Variants in INTS9 observed in about 807,000 individuals in gnomAD.
The protein encoded by INTS9 is protein related to CPSF subunits of 74 kDa.
INTS9 carries 55 observed loss-of-function variants against 79.7 expected under a neutral mutation model. That is an observed-to-expected ratio of 0.69 (90% CI 0.56 to 0.86). INTS9 has a LOEUF of 0.86. Among genes scored for constraint, INTS9 ranks in the 40% least tolerant of loss-of-function variants. The pLI is 0.00. For missense variants in INTS9, 721 were observed against 831.5 expected (o/e 0.87, Z 1.64); for synonymous variants, 319 against 325.2 (o/e 0.98, Z 0.20).
intron 15 of INTS9, 29 bp downstream of exon 15, chr8:28,770,953 C>A (rs755645262): frequency 6.5e-7 from 1 of 1,534,514 alleles, no homozygotes; most frequent in African/African-American, 1.4e-5. Flanking sequence ...GGGAGAGGGT[C>A]CCCTGCACTC....
chr8:28,875,005 G>C (rs1486463044), intron 1 of INTS9, among the ~76,000 whole-genome samples: 1 of 152,192 alleles, frequency 6.6e-6, no homozygotes, highest in East Asian at 1.9e-4. Flanking sequence ...AGCAGGCAAA[G>C]AGAGAGCTTG....
intron 1 of INTS9, among the ~76,000 whole-genome samples, chr8:28,881,132 T>G (rs1312724027): frequency 5.6e-5 from 7 of 124,272 alleles, no homozygotes; most frequent in South Asian, 2.6e-4. Flanking sequence ...GGTGGGGGGG[T>G]CAGCCCCCCG....
In INTS9 at chr8:28,768,175, G is replaced by A; in HGVS notation, c.1948C>T (p.Leu650Phe). The A allele has an allele frequency of 6.2e-7, 1 of 1,614,174 alleles. No homozygotes were observed. Among genetic ancestry groups the A allele is most frequent in the South Asian group, 1.1e-5 (1 of 91,082 alleles). The change falls in exon 17 of 17, where the codon CTT becomes TTT. Residue 650 changes from leucine (L) to phenylalanine (F), a missense_variant. This residue lies in a region of INTS9 where 281 missense variants were observed against 300.8 expected (regional missense o/e 0.93). Transcript: ENST00000521022. ...AACTTCTGTAAGAATTTGAGGACAA[G>A]GTCCCGCAGTCGCACTCTGAGCATC... ...DEMLRVRLRD[L>F]VLKFLQKF is the part of the protein sequence containing the mutation.
At chr8:28,849,041 G>A (rs750911411) in intron 3 of INTS9, among the ~76,000 whole-genome samples, 27 of 152,194 alleles carry the variant, frequency 1.8e-4, no homozygotes, top group Non-Finnish European at 3.5e-4. Context: ...TTGTACTTGA[G>A]GCTAGGGTGC....
rs1563316354 is a variant in INTS9, at chr8:28,878,644, A to ATTTT, written c.9+11229_9+11230insAAAA. Among the ~76,000 whole-genome samples, 401 of 150,070 alleles carry ATTTT rather than the reference A, an allele frequency of 2.7e-3. 1 individual carries two copies. The highest frequency in any genetic ancestry group is 9.6e-3 in the African/African-American group (386 of 40,402). On this transcript the variant is annotated intron_variant, in intron 1 of 16. Coordinates refer to ENST00000521022, the MANE Select transcript of INTS9 (RefSeq NM_018250.4). Reference sequence around the variant, plus strand: ...GCCTTCACTGTTTTTTTTTTTTTAAAAAAAAAACAAAACAAAAAACTCTTG... The same window carrying ATTTT: ...GCCTTCACTGTTTTTTTTTTTTTAAATTTTAAAAAAACAAAACAAAAAACTCTTG...
chr8:28,825,286 G>C (rs1350059321), intron 6 of INTS9, among the ~76,000 whole-genome samples: 1 of 152,210 alleles, frequency 6.6e-6, no homozygotes, highest in Non-Finnish European at 1.5e-5. Flanking sequence ...CTAGAGAGCA[G>C]GGACCGTGAT....
chr8:28,863,380 T>A (rs1808560156), intron 1 of INTS9, among the ~76,000 whole-genome samples: 1 of 152,240 alleles, frequency 6.6e-6, no homozygotes, highest in Non-Finnish European at 1.5e-5. Context: ...TCCATATCCA[T>A]GGCTTCTGCA....
At chr8:28,888,761 C>T (rs191639351) in intron 1 of INTS9, among the ~76,000 whole-genome samples, 3 of 152,112 alleles carry the variant, frequency 2.0e-5, no homozygotes, top group Non-Finnish European at 4.4e-5. Flanking sequence ...GAATTGAATC[C>T]ACTTTTAATA....
chr8:28,816,081 CAAA>C (rs981834711), intron 6 of INTS9, among the ~76,000 whole-genome samples: 5 of 150,588 alleles, frequency 3.3e-5, no homozygotes, highest in Non-Finnish European at 7.4e-5. Flanking sequence ...TTAAGATACT[CAAA>C]GAAAGAAAAT....
chr8:28,857,172 G>A (rs1808218182), intron 2 of INTS9, among the ~76,000 whole-genome samples: 1 of 152,068 alleles, frequency 6.6e-6, no homozygotes, highest in African/African-American at 2.4e-5. Flanking sequence ...GAATAGTGCT[G>A]AGCATTTATT....
intron 6 of INTS9, among the ~76,000 whole-genome samples, chr8:28,831,048 T>C (rs1806453367): frequency 6.6e-6 from 1 of 152,132 alleles, no homozygotes; most frequent in Admixed American, 6.5e-5. Context: ...AGCAAAGATA[T>C]GGACTCAACC....
intron 6 of INTS9, among the ~76,000 whole-genome samples, chr8:28,825,714 A>G (rs1367638707): frequency 1.3e-5 from 2 of 152,238 alleles, no homozygotes; most frequent in Non-Finnish European, 1.5e-5. Context: ...TATTCACCCT[A>G]TTGAGTACTA....
At chr8:28,872,662 A>G (rs1223545628) in intron 1 of INTS9, among the ~76,000 whole-genome samples, 1 of 152,138 alleles carries the variant, frequency 6.6e-6, no homozygotes, top group Non-Finnish European at 1.5e-5. Context: ...TGATGGCCTG[A>G]GCTGGTAGTC....
chr8:28,776,445 T>TTG (rs1802894236), intron 13 of INTS9, among the ~76,000 whole-genome samples: 1 of 148,908 alleles, frequency 6.7e-6, no homozygotes, highest in Non-Finnish European at 1.5e-5. Context: ...TTTTTGTTTT[T>TTG]TTTTTTAAAC....
chr8:28,773,201 C>A (rs1267269586), intron 14 of INTS9, among the ~76,000 whole-genome samples: 3 of 152,180 alleles, frequency 2.0e-5, no homozygotes, highest in Non-Finnish European at 2.9e-5. Flanking sequence ...CAGTGGCTCA[C>A]GCCTGTAATC....
rs76708146 is a variant in INTS9 at position 28,884,768 on chromosome 8, G to A, written c.9+5106C>T. 6.5e-3 allele frequency among the ~76,000 whole-genome samples: 997 copies of A among 152,288 alleles called. 11 individuals carry two copies. Among genetic ancestry groups the A allele is most frequent in the East Asian group, 0.051 (262 of 5,182 alleles). ...TCTTATTAACCAGCAAAGAAAAACAGAAAAGACAGTGAAGTCAAGCTGACA... is the reference window on the plus strand; with the variant it reads ...TCTTATTAACCAGCAAAGAAAAACAAAAAAGACAGTGAAGTCAAGCTGACA... On this transcript the variant is annotated intron_variant, in intron 1 of 16. Coordinates refer to ENST00000521022, the MANE Select transcript of INTS9 (RefSeq NM_018250.4).
At chr8:28,769,713 C>G in intron 16 of INTS9, 176 bp downstream of exon 16, 1 of 765,094 alleles carries the variant, frequency 1.3e-6, no homozygotes, top group Non-Finnish European at 2.0e-6. Flanking sequence ...GCACTCCTCA[C>G]TCTGCTTTCT....
At chr8:28,774,505 CA>C (rs1802754684) in intron 14 of INTS9, among the ~76,000 whole-genome samples, 1 of 151,846 alleles carries the variant, frequency 6.6e-6, no homozygotes, top group Non-Finnish European at 1.5e-5. Flanking sequence ...TGTAAAATAC[CA>C]GACAAAAACA....
Position 28,813,615 on chromosome 8 carries a change from G to A in INTS9, c.489-3C>T. On this transcript the variant is annotated splice_polypyrimidine_tract_variant and splice_region_variant and intron_variant, in intron 6 of 16. Coordinates refer to ENST00000521022, the MANE Select transcript of INTS9 (RefSeq NM_018250.4). ...CCTTGAGAGGAGAAGGTAACAGCCT[G>A]CAAATGGATCACAATGTCAACTACC... The A allele has an allele frequency of 6.2e-7, 1 of 1,612,944 alleles. No individual in the cohort carries two copies. Among genetic ancestry groups the A allele is most frequent in the African/African-American group, 1.3e-5 (1 of 74,986 alleles).
Sources: allele counts gnomAD v4.1 joint callset (sites outside exome capture counted in the v4.1 genomes callset), GRCh38; gene constraint gnomAD v4.1.1; regional missense constraint gnomAD v4.1.1; transcripts MANE v1.5; gene names NCBI Gene and HGNC (gene_info 2026-07-23, HGNC 2026-07-21).